The following PAK4 variants were observed in gnomAD, a reference collection of about 807,000 sequenced individuals.
PAK4 encodes the protein p21 (RAC1) activated kinase 4.
PAK4 carries 49 observed loss-of-function variants against 53.5 expected under a neutral mutation model. The ratio of observed to expected loss-of-function variants is 0.92; its 90% CI spans 0.73 to 1.16. The LOEUF (loss-of-function observed/expected upper bound fraction) is 1.16, where lower values mean the gene tolerates loss of function less well. PAK4 is among the 50% of genes most tolerant of loss of function. The pLI is 0.00. For synonymous variants in PAK4, 376 were observed against 375.6 expected (o/e 1.00, Z -0.01); for missense variants, 824 against 850.7 (o/e 0.97, Z 0.39).
At chr19:39,134,504 G>C (rs1162640080) in intron 1 of PAK4, among the ~76,000 whole-genome samples, 1 of 152,124 alleles carries the variant, frequency 6.6e-6, no homozygotes, top group East Asian at 1.9e-4. Context: ...GAATCTTCCA[G>C]TATGTCCTTG....
chr19:39,175,105 G>C lies in PAK4; in HGVS notation c.1232+41G>C. Reference sequence around the variant, plus strand: ...CAGACCCCTCCTGTGACACGACCAAGTCCCCTCCAGACCACTAGGGGTGGG... The same window carrying C: ...CAGACCCCTCCTGTGACACGACCAACTCCCCTCCAGACCACTAGGGGTGGG... On this transcript the variant is annotated intron_variant, in intron 5 of 8. Coordinates refer to ENST00000358301, the Ensembl canonical transcript of PAK4. The surrounding 1 kb of genome is among the most constrained non-coding windows in gnomAD (Gnocchi z 4.7). 6.3e-7 allele frequency: 1 copy of C among 1,578,012 alleles called. No homozygotes were observed. Among genetic ancestry groups the C allele is most frequent in the Non-Finnish European group, 8.6e-7 (1 of 1,161,366 alleles).
chr19:39,148,189 TG>T (rs1237965412), intron 1 of PAK4, among the ~76,000 whole-genome samples: 1 of 151,790 alleles, frequency 6.6e-6, no homozygotes, highest in Admixed American at 6.6e-5. Context: ...TGACCTCAGG[TG>T]ATCCGCCTGC....
In PAK4 at chr19:39,178,652, A is replaced by G. The variant is rs1600419962; in HGVS notation, c.*73A>G. The G allele has an allele frequency of 7.3e-7, 1 of 1,364,136 alleles. No individual in the cohort carries two copies. Among genetic ancestry groups the G allele is most frequent in the East Asian group, 2.5e-5 (1 of 39,758 alleles). The allele number at this position is 1,364,136 out of a possible 1,614,324, so 84.5% of individuals were successfully genotyped here. A position where few individuals can be genotyped will look rare whatever the true frequency, so the allele number is the denominator to read the frequency against. Reference sequence around the variant, plus strand: ...GCCCCACTGAGGCCAGTAGGGGGCCAGGCCTCCCACTCCTCCCAGCCCGGG... The same window carrying G: ...GCCCCACTGAGGCCAGTAGGGGGCCGGGCCTCCCACTCCTCCCAGCCCGGG... On this transcript the variant is annotated 3_prime_UTR_variant, in exon 9 of 9. Coordinates refer to ENST00000358301, the Ensembl canonical transcript of PAK4. This position sits in a 1 kb window ranked among gnomAD's most constrained non-coding sequence, Gnocchi z 4.4.
At chr19:39,132,242 G>T (rs2073726502) in intron 1 of PAK4, among the ~76,000 whole-genome samples, 1 of 152,190 alleles carries the variant, frequency 6.6e-6, no homozygotes, top group Admixed American at 6.5e-5. Flanking sequence ...CCATGTGCAT[G>T]CATTACCTAT....
intron 1 of PAK4, among the ~76,000 whole-genome samples, chr19:39,136,207 G>A (rs549254774): frequency 1.2e-4 from 18 of 146,852 alleles, no homozygotes; most frequent in Non-Finnish European, 2.4e-4. Flanking sequence ...CCATTGAGGC[G>A]TGCTCCCTGC....
At chr19:39,142,161 C>T (rs1350049379) in intron 1 of PAK4, among the ~76,000 whole-genome samples, 3 of 152,114 alleles carry the variant, frequency 2.0e-5, no homozygotes, top group Admixed American at 2.0e-4. Flanking sequence ...AGCTCTTTGG[C>T]GTGCATGTTG....
intron 1 of PAK4, among the ~76,000 whole-genome samples, chr19:39,143,643 TG>T (rs545466090): frequency 1.2e-3 from 92 of 76,458 alleles, no homozygotes; most frequent in African/African-American, 4.2e-3. Context: ...AGTGCATGAA[TG>T]AATAAAAGAA....
At chr19:39,135,906 C>G (rs917208954) in intron 1 of PAK4, among the ~76,000 whole-genome samples, 2 of 151,780 alleles carry the variant, frequency 1.3e-5, no homozygotes, top group African/African-American at 4.8e-5. Context: ...CTTGCCCCCC[C>G]GCCACATCCA....
chr19:39,133,721 G>A (rs551071467), intron 1 of PAK4, among the ~76,000 whole-genome samples: 37 of 152,292 alleles, frequency 2.4e-4, no homozygotes, highest in Admixed American at 5.2e-4. Context: ...AGAGCTCCCC[G>A]TCCCAGACCC....
chr19:39,169,632 C>T lies in PAK4; in HGVS notation c.79C>T (p.Gln27Ter), dbSNP rs765738875. 2 of 1,613,638 alleles carry T rather than the reference C, an allele frequency of 1.2e-6. No homozygotes were observed. Among genetic ancestry groups the T allele is most frequent in the South Asian group, 2.2e-5 (2 of 91,082 alleles). Reference sequence around the variant, plus strand: ...GCACCGCGTGCACACGGGCTTCGACCAGCACGAGCAGAAGTTCACGGGGCT... The same window carrying T: ...GCACCGCGTGCACACGGGCTTCGACTAGCACGAGCAGAAGTTCACGGGGCT... Residue 27 changes from glutamine to a stop codon, truncating the protein, a stop_gained, in exon 2 of 9, where the codon CAG (glutamine) becomes TAG (stop). Transcript: ENST00000358301. LOFTEE classifies it high-confidence loss of function.
At chr19:39,128,577 T>C (rs1248230269) in intron 1 of PAK4, among the ~76,000 whole-genome samples, 3 of 152,254 alleles carry the variant, frequency 2.0e-5, no homozygotes, top group Non-Finnish European at 2.9e-5. Context: ...ATGATTTATT[T>C]GCCACTTTTA....
At chr19:39,129,115 C>T (rs769532323) in intron 1 of PAK4, among the ~76,000 whole-genome samples, 2 of 152,098 alleles carry the variant, frequency 1.3e-5, no homozygotes, top group Non-Finnish European at 2.9e-5. Context: ...GCTATGTTGC[C>T]TAGACTGGAC....
At chr19:39,159,260 G>T (rs562218085) in intron 1 of PAK4, among the ~76,000 whole-genome samples, 39 of 152,332 alleles carry the variant, frequency 2.6e-4, no homozygotes, top group African/African-American at 9.1e-4. Context: ...ACAAAGCAGT[G>T]GCTAGGAGAG....
chr19:39,170,913 G>C (rs1245751156), intron 2 of PAK4, among the ~76,000 whole-genome samples: 1 of 152,234 alleles, frequency 6.6e-6, no homozygotes, highest in South Asian at 2.1e-4. Context: ...CACGGGCAGG[G>C]CACTGGCTCT....
chr19:39,137,697 C>A (rs2073840844), intron 1 of PAK4, among the ~76,000 whole-genome samples: 1 of 149,990 alleles, frequency 6.7e-6, no homozygotes, highest in African/African-American at 2.5e-5. Flanking sequence ...GACAGAGTCT[C>A]ACTCTGTCAC....
chr19:39,132,551 A>G (rs999020088), intron 1 of PAK4, among the ~76,000 whole-genome samples: 3 of 152,200 alleles, frequency 2.0e-5, no homozygotes, highest in Non-Finnish European at 4.4e-5. Context: ...GCGTGCCCCC[A>G]CGGACAGCAC....
At chr19:39,152,990 A>G (rs1168545771) in intron 1 of PAK4, among the ~76,000 whole-genome samples, 1 of 152,096 alleles carries the variant, frequency 6.6e-6, no homozygotes, top group Non-Finnish European at 1.5e-5. Flanking sequence ...TGGATGTGGT[A>G]CCTCCTGCGG....
At chr19:39,147,607 C>T (rs2074022263) in intron 1 of PAK4, among the ~76,000 whole-genome samples, 1 of 152,130 alleles carries the variant, frequency 6.6e-6, no homozygotes, top group African/African-American at 2.4e-5. Context: ...GTTATATTAT[C>T]ACCAGCAGCA....
intron 1 of PAK4, among the ~76,000 whole-genome samples, chr19:39,152,748 A>G (rs568529765): frequency 1.7e-4 from 25 of 148,998 alleles, no homozygotes; most frequent in Admixed American, 3.4e-4. Flanking sequence ...ACTGATGGCA[A>G]TCGGGTTCAA....
Sources: gnomAD v4.1 joint callset for allele counts (sites outside exome capture counted in the v4.1 genomes callset) on GRCh38, gnomAD v4.1.1 for gene constraint, Gnocchi (gnomAD v3.1) non-coding constraint, MANE v1.5 for transcripts, NCBI Gene and HGNC (gene_info 2026-07-23, HGNC 2026-07-21) for gene names.